LRRC34: variants seen among roughly 807,000 people sequenced by gnomAD.
The protein encoded by LRRC34 is leucine rich repeat containing 34.
Under a neutral mutation model 48.5 loss-of-function variants are expected in LRRC34, and 44 were observed. The observed-to-expected ratio is 0.91, with a 90% CI of 0.71 to 1.17. The LOEUF (loss-of-function observed/expected upper bound fraction) is 1.17. LRRC34 is among the 50% of genes most tolerant of loss of function. The pLI, the probability that LRRC34 is intolerant of heterozygous loss-of-function variation, is 0.00. For synonymous variants in LRRC34, 192 were observed against 197.6 expected (o/e 0.97, Z 0.24); for missense variants, 502 against 563.0 (o/e 0.89, Z 1.10).
Position 169,795,611 on chromosome 3 carries a change from C to T in LRRC34, c.1065G>A (p.Ala355=), listed in dbSNP as rs781293979. The change falls in exon 10 of 11, where the codon GCG becomes GCA. Residue 355 remains alanine, a splice_region_variant and synonymous_variant. Coordinates refer to ENST00000446859, the MANE Select transcript of LRRC34 (RefSeq NM_001172779.2). ...TLTSHNRSLK[A]LSVVSNNIEG... ...CTATGTTGTTGCTGACTACTGACAACCTGAAACCAATAATTCCACAAGGAA... is the reference window on the plus strand; with the variant it reads ...CTATGTTGTTGCTGACTACTGACAATCTGAAACCAATAATTCCACAAGGAA... 1.7e-5 allele frequency: 27 copies of T among 1,606,868 alleles called. No homozygotes were observed. The East Asian group carries it at 5.1e-4, about 31-fold the overall frequency.
rs1779595310 is a variant in LRRC34 at position 169,812,061 on chromosome 3, C to CA, written c.139+348dup. Among the ~76,000 whole-genome samples the CA allele has an allele frequency of 6.6e-6, 1 of 152,106 alleles. No individual in the cohort carries two copies. Among genetic ancestry groups the CA allele is most frequent in the East Asian group, 1.9e-4 (1 of 5,156 alleles). Reference sequence around the variant, plus strand: ...TGTGACCTGCTCTCTGGGACTTTCACAAAAAGGGGGCTGAGAAGAGCCCCC... The same window carrying CA: ...TGTGACCTGCTCTCTGGGACTTTCACAAAAAAGGGGGCTGAGAAGAGCCCCC... On this transcript the variant is annotated intron_variant, in intron 1 of 10. Transcript: ENST00000446859. This position sits in a 1 kb window ranked among gnomAD's most constrained non-coding sequence, Gnocchi z 4.3.
intron 8 of LRRC34, 159 bp downstream of exon 8, chr3:169,796,586 G>A: frequency 1.1e-6 from 1 of 899,110 alleles, no homozygotes. Context: ...AAAGATAGCA[G>A]TATTAAATAT....
intron 5 of LRRC34, among the ~76,000 whole-genome samples, chr3:169,805,648 G>A (rs1467939507): frequency 6.6e-6 from 1 of 152,112 alleles, no homozygotes; most frequent in Admixed American, 6.6e-5. Flanking sequence ...ACTTTGGGAG[G>A]CCGAGGTGGG....
chr3:169,793,785 C>A lies in LRRC34; in HGVS notation c.1245G>T (p.Val415=). The A allele has an allele frequency of 6.2e-7, 1 of 1,613,712 alleles. No homozygotes were observed. Among genetic ancestry groups the A allele is most frequent in the African/African-American group, 1.3e-5 (1 of 74,972 alleles). ...CACGTCCATCTACCACAAATGGCTC[C>A]ACATCTGTATTGTCTGGTTTTAGAC... The part of the protein sequence containing the change: ...MGCLKPDNTD[V]EPFVVDGRVY... The change falls in exon 11 of 11, where the codon GTG becomes GTT. Residue 415 remains valine, a synonymous_variant. Coordinates refer to ENST00000446859, the MANE Select transcript of LRRC34 (RefSeq NM_001172779.2).
At chr3:169,805,679 G>C (rs1309310839) in intron 5 of LRRC34, among the ~76,000 whole-genome samples, 1 of 152,110 alleles carries the variant, frequency 6.6e-6, no homozygotes, top group Non-Finnish European at 1.5e-5. Context: ...GAGGTCGGGA[G>C]TTTGAGACTA....
chr3:169,811,034 T>G (rs1417378838), intron 1 of LRRC34, among the ~76,000 whole-genome samples: 1 of 152,200 alleles, frequency 6.6e-6, no homozygotes, highest in East Asian at 1.9e-4. Flanking sequence ...ATCGCGCCAC[T>G]GCACTCCAGC....
intron 3 of LRRC34, 42 bp downstream of exon 3, chr3:169,807,546 A>G: frequency 6.2e-7 from 1 of 1,612,610 alleles, no homozygotes; most frequent in Non-Finnish European, 8.5e-7. Flanking sequence ...TTAAAATCAG[A>G]TCAATGAAAA....
At position 169,812,607 on chromosome 3, in the gene LRRC34, G is replaced by T. The variant is rs1005784732; in HGVS notation, c.-59C>A. The T allele has an allele frequency of 7.1e-7, 1 of 1,413,282 alleles. No individual in the cohort carries two copies. The highest frequency in any genetic ancestry group is 3.0e-5 in the Admixed American group (1 of 33,226). The allele number at this position is 1,413,282 out of a possible 1,614,324, so 87.5% of individuals were successfully genotyped here. On this transcript the variant is annotated 5_prime_UTR_variant, in exon 1 of 11. Coordinates refer to ENST00000446859, the MANE Select transcript of LRRC34 (RefSeq NM_001172779.2). The surrounding 1 kb of genome is among the most constrained non-coding windows in gnomAD (Gnocchi z 4.3). ...GCTGTGAGGCGGCTACACGAGCCTCGGCGCCAGCCTGCTTCGAGTCCCGCT... is the reference window on the plus strand; with the variant it reads ...GCTGTGAGGCGGCTACACGAGCCTCTGCGCCAGCCTGCTTCGAGTCCCGCT...
At chr3:169,809,167 GTGCCCTAATGGGT>G (rs1293540860) in intron 1 of LRRC34, among the ~76,000 whole-genome samples, 1 of 147,026 alleles carries the variant, frequency 6.8e-6, no homozygotes, top group Non-Finnish European at 1.5e-5. Context: ...TCTTTCCACT[GTGCCCTAATGGGT>G]TACAGGGACT....
intron 7 of LRRC34, among the ~76,000 whole-genome samples, chr3:169,797,946 T>G (rs957846376): frequency 1.3e-5 from 2 of 152,206 alleles, no homozygotes; most frequent in Non-Finnish European, 2.9e-5. Flanking sequence ...AAGTGTTCCA[T>G]AAGCAGCCTA....
intron 10 of LRRC34, 64 bp from the exon 11 acceptor site, chr3:169,793,902 G>A (rs1195668451): frequency 6.6e-5 from 74 of 1,117,530 alleles, no homozygotes; most frequent in South Asian, 1.7e-4. Context: ...CAGTGCTTAC[G>A]GAAATTTAAA....
At chr3:169,808,810 A>G in intron 1 of LRRC34, 65 bp from the exon 2 acceptor site, 2 of 895,710 alleles carry the variant, frequency 2.2e-6, no homozygotes, top group South Asian at 3.0e-5. Flanking sequence ...AAAACCATAA[A>G]AACTACCTCT....
In LRRC34 at chr3:169,806,758, T is replaced by C. The variant is rs182358439; in HGVS notation, c.528+90A>G. On this transcript the variant is annotated intron_variant, in intron 5 of 10. Coordinates refer to ENST00000446859, the MANE Select transcript of LRRC34 (RefSeq NM_001172779.2). Reference sequence around the variant, plus strand: ...TACATTCCTACAATATTAAAATAAGTTCACTTCAACATTGGACACTGTTGG... The same window carrying C: ...TACATTCCTACAATATTAAAATAAGCTCACTTCAACATTGGACACTGTTGG... 9 of 707,718 alleles carry C rather than the reference T, an allele frequency of 1.3e-5. No individual in the cohort carries two copies. In the Admixed American group the frequency reaches 1.8e-4, roughly 14 times the overall value. 43.8% of individuals were successfully genotyped at this position (707,718 alleles called of 1,614,324 possible).
chr3:169,800,794 TATA>T (rs1779163018), intron 6 of LRRC34, 40 bp from the exon 7 acceptor site: 8 of 1,228,244 alleles, frequency 6.5e-6, no homozygotes, highest in African/African-American at 4.5e-5. Context: ...AGACAAAGTA[TATA>T]ATAATCTCGC....
rs1278042410 is a variant in LRRC34, at chr3:169,796,278, T to C, written c.1000A>G (p.Ile334Val). The C allele has an allele frequency of 1.2e-6, 2 of 1,612,754 alleles. No homozygotes were observed. The highest frequency in any genetic ancestry group is 2.7e-5 in the African/African-American group (2 of 74,780). ...AGATAGTTTGCGCCTGCATTTTCTATTCTGTTAAAGGAAAGATCTATTACT... is the reference window on the plus strand; with the variant it reads ...AGATAGTTTGCGCCTGCATTTTCTACTCTGTTAAAGGAAAGATCTATTACT... ...LEVIDLSFNR[I>V]ENAGANYLSE... The change falls in exon 9 of 11, where the codon ATA (isoleucine) becomes GTA (valine). Residue 334 changes from isoleucine (I) to valine (V), a missense_variant. By Grantham distance (29) the Ile-to-Val change is conservative. Transcript: ENST00000446859.
At chr3:169,809,826 C>T (rs1430743160) in intron 1 of LRRC34, among the ~76,000 whole-genome samples, 2 of 152,062 alleles carry the variant, frequency 1.3e-5, no homozygotes, top group Admixed American at 6.5e-5. Context: ...GTTTGCTAAA[C>T]GGATCTGCAG....
At chr3:169,802,408 TA>T (rs1436359305) in intron 6 of LRRC34, among the ~76,000 whole-genome samples, 1 of 152,180 alleles carries the variant, frequency 6.6e-6, no homozygotes, top group Non-Finnish European at 1.5e-5. Context: ...AACTCGTAAA[TA>T]TTACCTTAGT....
At position 169,812,580 on chromosome 3, in the gene LRRC34, C is replaced by A; in HGVS notation, c.-32G>T. 3 of 1,449,218 alleles carry A rather than the reference C, an allele frequency of 2.1e-6. No homozygotes were observed. The highest frequency in any genetic ancestry group is 1.4e-5 in the South Asian group (1 of 70,316). The allele number at this position is 1,449,218 out of a possible 1,614,324, so 89.8% of individuals were successfully genotyped here. On this transcript the variant is annotated 5_prime_UTR_variant, in exon 1 of 11. Transcript: ENST00000446859. The surrounding 1 kb of genome is among the most constrained non-coding windows in gnomAD (Gnocchi z 4.3). ...CGCGCGCGCACTTACAGTCCGCCTG[C>A]AGCTGTGAGGCGGCTACACGAGCCT...
In LRRC34 at chr3:169,793,649, C is replaced by G. The variant is rs1302665965; in HGVS notation, c.1381G>C (p.Gly461Arg). ...SNAGFALVPVGQQP is the reference protein window; with the variant it reads ...SNAGFALVPVRQQP Reference sequence around the variant, plus strand: ...CAGCTACTTTTTCATGGCTGTTGACCTACTGGAACAAGAGCAAAACCTGCA... The same window carrying G: ...CAGCTACTTTTTCATGGCTGTTGACGTACTGGAACAAGAGCAAAACCTGCA... Residue 461 changes from glycine (G) to arginine (R), a missense_variant, in exon 11 of 11, where the codon GGT (glycine) becomes CGT (arginine). Coordinates refer to ENST00000446859, the MANE Select transcript of LRRC34 (RefSeq NM_001172779.2). 6.2e-7 allele frequency: 1 copy of G among 1,611,956 alleles called. No individual in the cohort carries two copies. Among genetic ancestry groups the G allele is most frequent in the Admixed American group, 1.7e-5 (1 of 59,836 alleles).
Sources: allele counts gnomAD v4.1 joint callset (sites outside exome capture counted in the v4.1 genomes callset), GRCh38; gene constraint gnomAD v4.1.1; non-coding constraint Gnocchi (gnomAD v3.1); transcripts MANE v1.5; gene names NCBI Gene and HGNC (gene_info 2026-07-23, HGNC 2026-07-21).